The following AUTS2 variants were observed in gnomAD, a reference collection of about 807,000 sequenced individuals.
AUTS2 encodes activator of transcription and developmental regulator AUTS2.
AUTS2 carries 17 observed loss-of-function variants against 112.4 expected under a neutral mutation model. The ratio of observed to expected loss-of-function variants is 0.15; its 90% CI spans 0.10 to 0.23. AUTS2 has a LOEUF of 0.23. Among genes scored for constraint, AUTS2 ranks in the 10% least tolerant of loss-of-function variants. AUTS2 has a pLI of 1.00. For synonymous variants in AUTS2, 751 were observed against 702.7 expected (o/e 1.07, Z -1.09); for missense variants, 1,510 against 1,701.6 (o/e 0.89, Z 1.98).
intron 4 of AUTS2, among the ~76,000 whole-genome samples, chr7:70,421,515 G>A (rs1795218071): frequency 6.6e-6 from 1 of 152,188 alleles, no homozygotes. Flanking sequence ...TCACAGGGGT[G>A]TTGTGACTGA....
chr7:69,715,015 T>G (rs1798534373), intron 1 of AUTS2, among the ~76,000 whole-genome samples: 1 of 152,010 alleles, frequency 6.6e-6, no homozygotes, highest in African/African-American at 2.4e-5. Flanking sequence ...ATCTTTCCAT[T>G]AGTATCTTTG....
intron 4 of AUTS2, among the ~76,000 whole-genome samples, chr7:70,213,891 G>A (rs1013480667): frequency 2.6e-5 from 4 of 152,076 alleles, no homozygotes; most frequent in Non-Finnish European, 4.4e-5. Context: ...TGTAATTGTC[G>A]TACATACAAT....
Position 70,587,139 on chromosome 7 carries a change from C to A in AUTS2, c.691-111430C>A, listed in dbSNP as rs1317464262. 2.0e-5 allele frequency among the ~76,000 whole-genome samples: 3 copies of A among 152,190 alleles called. No individual in the cohort carries two copies. The East Asian group carries it at 5.8e-4, about 29-fold the overall frequency. The stretch of plus-strand genomic sequence containing the variant: ...GTTACCAGGCTGGAGTGCAGTGATG[C>A]CATCACGGCTCACTGCAGCATCAAC... On this transcript the variant is annotated intron_variant, in intron 5 of 18. Transcript: ENST00000342771.
intron 1 of AUTS2, among the ~76,000 whole-genome samples, chr7:69,715,211 T>C (rs960471366): frequency 2.7e-5 from 4 of 145,496 alleles, no homozygotes; most frequent in Non-Finnish European, 6.0e-5. Flanking sequence ...CTTGTATAAT[T>C]TTCTTCAGGC....
intron 1 of AUTS2, among the ~76,000 whole-genome samples, chr7:69,893,647 A>G (rs1794617951): frequency 6.6e-6 from 1 of 152,216 alleles, no homozygotes; most frequent in Non-Finnish European, 1.5e-5. Context: ...GCAGACACAT[A>G]TACCACAAAT....
intron 2 of AUTS2, among the ~76,000 whole-genome samples, chr7:69,925,758 A>G (rs532850826): frequency 6.6e-6 from 1 of 152,292 alleles, no homozygotes; most frequent in East Asian, 1.9e-4. Flanking sequence ...GCTCTCAAGC[A>G]GTTTTCCCTC....
chr7:70,696,643 G>C (rs1417689642), intron 5 of AUTS2, among the ~76,000 whole-genome samples: 1 of 151,808 alleles, frequency 6.6e-6, no homozygotes, highest in Non-Finnish European at 1.5e-5. Flanking sequence ...CAAAAGGCCT[G>C]TTCACCCACA....
chr7:70,392,285 C>T (rs1225722739), intron 4 of AUTS2, among the ~76,000 whole-genome samples: 1 of 152,128 alleles, frequency 6.6e-6, no homozygotes, highest in Non-Finnish European at 1.5e-5. Context: ...GAATGAATGA[C>T]AGCAGAAACT....
chr7:70,772,844 G>A (rs1790440749), intron 11 of AUTS2, among the ~76,000 whole-genome samples: 1 of 152,198 alleles, frequency 6.6e-6, no homozygotes, highest in South Asian at 2.1e-4. Flanking sequence ...CCCCCAGTCT[G>A]CACCTCACTA....
At chr7:70,745,401 T>C (rs1168237988) in intron 6 of AUTS2, among the ~76,000 whole-genome samples, 1 of 152,252 alleles carries the variant, frequency 6.6e-6, no homozygotes, top group Non-Finnish European at 1.5e-5. Context: ...ACTGCGCAGT[T>C]GTTTGACTTT....
intron 4 of AUTS2, among the ~76,000 whole-genome samples, chr7:70,168,346 T>C (rs994908031): frequency 1.3e-5 from 2 of 152,326 alleles, no homozygotes; most frequent in Admixed American, 6.5e-5. Flanking sequence ...TAGGAAGCAT[T>C]AGGGCAGACG....
chr7:70,139,305 A>G (rs748090587), intron 4 of AUTS2, among the ~76,000 whole-genome samples: 8 of 152,158 alleles, frequency 5.3e-5, no homozygotes, highest in Non-Finnish European at 8.8e-5. Context: ...CTGTCTAACC[A>G]TAGTTGCTTT....
chr7:70,217,457 A>G (rs1011984969), intron 4 of AUTS2, among the ~76,000 whole-genome samples: 1 of 152,226 alleles, frequency 6.6e-6, no homozygotes, highest in Non-Finnish European at 1.5e-5. Flanking sequence ...AGCATGGCGA[A>G]TAAAGCTGAG....
At chr7:69,915,168 C>A (rs1402961335) in intron 2 of AUTS2, among the ~76,000 whole-genome samples, 1 of 152,186 alleles carries the variant, frequency 6.6e-6, no homozygotes, top group Non-Finnish European at 1.5e-5. Flanking sequence ...CAAGGTTGAA[C>A]ATCTCCTAGA....
At chr7:70,270,790 C>T (rs2129608895) in intron 4 of AUTS2, among the ~76,000 whole-genome samples, 1 of 152,292 alleles carries the variant, frequency 6.6e-6, no homozygotes, top group Middle Eastern at 3.4e-3. Flanking sequence ...TTTGAATCAG[C>T]TTTCCAGCAG....
intron 4 of AUTS2, among the ~76,000 whole-genome samples, chr7:70,259,501 A>G (rs769158588): frequency 7.9e-4 from 120 of 152,182 alleles, no homozygotes; most frequent in Non-Finnish European, 1.4e-3. Context: ...GCCTCTGTGC[A>G]TTCTGTCCTC....
chr7:70,604,954 ATT>A (rs1803652997), intron 5 of AUTS2, among the ~76,000 whole-genome samples: 1 of 152,154 alleles, frequency 6.6e-6, no homozygotes, highest in Non-Finnish European at 1.5e-5. Flanking sequence ...TAAAAATCAG[ATT>A]TCTTCACTGT....
intron 1 of AUTS2, among the ~76,000 whole-genome samples, chr7:69,775,354 G>A (rs993894140): frequency 3.3e-5 from 5 of 152,190 alleles, no homozygotes; most frequent in African/African-American, 7.2e-5. Flanking sequence ...GGCTGAGAAT[G>A]ATCCCTGATG....
intron 2 of AUTS2, among the ~76,000 whole-genome samples, chr7:70,010,967 T>G (rs1350133537): frequency 1.3e-5 from 2 of 152,176 alleles, no homozygotes; most frequent in Non-Finnish European, 2.9e-5. Flanking sequence ...TTGCTTGACT[T>G]ACTTGAGTAA....
Sources: gnomAD v4.1 joint callset for allele counts (sites outside exome capture counted in the v4.1 genomes callset) on GRCh38, gnomAD v4.1.1 for gene constraint, MANE v1.5 for transcripts, NCBI Gene and HGNC (gene_info 2026-07-23, HGNC 2026-07-21) for gene names.